The following HYCC1 variants were observed in gnomAD, a reference collection of about 807,000 sequenced individuals.
HYCC1 encodes hyccin PI4KA lipid kinase complex subunit 1, also known as hyccin.
the HYCC1 span, among the ~76,000 whole-genome samples, chr7:22,898,599 C>CT: frequency 1.1e-5 from 1 of 93,330 alleles, no homozygotes; most frequent in Admixed American, 1.1e-4. Flanking sequence ...CTTTTCTTTT[C>CT]TTTTCTTTTT....
At chr7:22,900,831 A>G in the HYCC1 span, among the ~76,000 whole-genome samples, 5 of 152,206 alleles carry the variant, frequency 3.3e-5, no homozygotes, top group Non-Finnish European at 7.3e-5. Context: ...GAGTGAGTAG[A>G]AAAAAGCAAG....
At chr7:22,940,222 G>A in the HYCC1 span, 1 of 140,492 alleles carries the variant, frequency 7.1e-6, no homozygotes, top group Non-Finnish European at 1.5e-5. Context: ...GTGTCTAATA[G>A]GTTAATAGGT....
chr7:22,960,182 A>C, the HYCC1 span: 52 of 1,449,528 alleles, frequency 3.6e-5, no homozygotes, highest in Non-Finnish European at 4.4e-5. Flanking sequence ...GTTAGAAGTT[A>C]TAGCACCATA....
At chr7:22,931,904 T>C in the HYCC1 span, among the ~76,000 whole-genome samples, 1 of 152,318 alleles carries the variant, frequency 6.6e-6, no homozygotes, top group African/African-American at 2.4e-5. Flanking sequence ...GAAGATGTGA[T>C]CTTATTTCTC....
the HYCC1 span, chr7:22,983,747 GA>G: frequency 1.8e-6 from 1 of 550,904 alleles, no homozygotes; most frequent in Non-Finnish European, 3.2e-6. Flanking sequence ...GAAAAAGAGA[GA>G]AAATGTTCAG....
the HYCC1 span, chr7:22,991,075 A>C: frequency 1.9e-6 from 3 of 1,608,248 alleles, no homozygotes; most frequent in Non-Finnish European, 2.6e-6. Context: ...AACTCTGACA[A>C]CCATTCCTCC....
At chr7:22,999,195 T>C in the HYCC1 span, among the ~76,000 whole-genome samples, 1 of 152,228 alleles carries the variant, frequency 6.6e-6, no homozygotes, top group Non-Finnish European at 1.5e-5. Flanking sequence ...ATATGTTATG[T>C]ATTTCACTAA....
chr7:23,007,736 T>C, the HYCC1 span, among the ~76,000 whole-genome samples: 4 of 152,152 alleles, frequency 2.6e-5, no homozygotes, highest in Non-Finnish European at 4.4e-5. Context: ...TAAAGAGATA[T>C]GCTATTATCA....
At chr7:23,008,201 GT>G in the HYCC1 span, among the ~76,000 whole-genome samples, 2 of 152,036 alleles carry the variant, frequency 1.3e-5, no homozygotes, top group Non-Finnish European at 2.9e-5. Context: ...AAAATGACCA[GT>G]TAGAAAACAG....
At chr7:22,934,220 T>C in the HYCC1 span, 5 of 86,048 alleles carry the variant, frequency 5.8e-5, no homozygotes, top group Admixed American at 1.3e-4. Flanking sequence ...TTTTTTTTTT[T>C]TTTTTTTTTT....
At chr7:23,002,178 A>G in the HYCC1 span, among the ~76,000 whole-genome samples, 5 of 9,960 alleles carry the variant, frequency 5.0e-4, no homozygotes, top group Non-Finnish European at 1.2e-3. Flanking sequence ...ATATATATAC[A>G]TATAGTTTGC....
chr7:22,972,238 GC>G, the HYCC1 span, among the ~76,000 whole-genome samples: 2,399 of 152,178 alleles, frequency 0.016, 65 homozygotes, highest in African/African-American at 0.055. Context: ...TTAGTCAGGA[GC>G]AAAATGGCTT....
At chr7:22,937,329 T>G in the HYCC1 span, 2 of 152,296 alleles carry the variant, frequency 1.3e-5, no homozygotes, top group Admixed American at 1.3e-4. Flanking sequence ...GAGCAAGAAT[T>G]CAGTGTTGAA....
the HYCC1 span, among the ~76,000 whole-genome samples, chr7:22,988,922 G>A: frequency 2.6e-5 from 4 of 151,954 alleles, no homozygotes; most frequent in Non-Finnish European, 2.9e-5. Context: ...GCTGTTAACC[G>A]CTGCTCTGCC....
the HYCC1 span, among the ~76,000 whole-genome samples, chr7:22,926,340 C>T: frequency 2.0e-5 from 3 of 152,090 alleles, no homozygotes; most frequent in African/African-American, 7.2e-5. Context: ...CAATACTAAC[C>T]TTAAATGTAA....
At chr7:22,930,928 T>A in the HYCC1 span, among the ~76,000 whole-genome samples, 1 of 151,970 alleles carries the variant, frequency 6.6e-6, no homozygotes, top group Non-Finnish European at 1.5e-5. Context: ...CTGACAAAAT[T>A]CAACATTCAT....
At chr7:23,002,699 CA>C in the HYCC1 span, among the ~76,000 whole-genome samples, 1 of 152,116 alleles carries the variant, frequency 6.6e-6, no homozygotes, top group Non-Finnish European at 1.5e-5. Context: ...TTCTTGGGAA[CA>C]GGCAAATTAA....
At chr7:22,916,495 G>A in the HYCC1 span, among the ~76,000 whole-genome samples, 9 of 152,120 alleles carry the variant, frequency 5.9e-5, no homozygotes, top group South Asian at 2.1e-4. Context: ...GTACAGGGCC[G>A]TGCAGTCAAA....
chr7:22,911,065 G>A, the HYCC1 span, among the ~76,000 whole-genome samples: 4 of 152,182 alleles, frequency 2.6e-5, no homozygotes, highest in African/African-American at 9.7e-5. Flanking sequence ...CAAGACTAAA[G>A]TAATAACTAT....
Sources: gnomAD v4.1 joint callset for allele counts (sites outside exome capture counted in the v4.1 genomes callset) on GRCh38, gnomAD v4.1.1 for gene constraint, MANE v1.5 for transcripts, NCBI Gene and HGNC (gene_info 2026-07-23, HGNC 2026-07-21) for gene names.